PRIMA1: variants seen among roughly 807,000 people sequenced by gnomAD.
The protein encoded by PRIMA1 is proline rich membrane anchor 1.
PRIMA1 carries 7 observed loss-of-function variants against 17.5 expected under a neutral mutation model. The observed-to-expected ratio is 0.40, with a 90% CI of 0.23 to 0.75. PRIMA1 has a LOEUF of 0.75. Among genes scored for constraint, PRIMA1 ranks in the 30% least tolerant of loss-of-function variants. The pLI is 0.37. For synonymous variants in PRIMA1, 97 were observed against 77.9 expected, an observed-to-expected ratio of 1.25 and a Z score of -1.29; for missense variants, 200 against 201.8, an observed-to-expected ratio of 0.99 and a Z score of 0.05.
At chr14:93,727,883 A>C (rs1210283353) in intron 4 of PRIMA1, among the ~76,000 whole-genome samples, 1 of 152,222 alleles carries the variant, frequency 6.6e-6, no homozygotes, top group Non-Finnish European at 1.5e-5. Flanking sequence ...CTGGGTTTCC[A>C]GGAGAGACCT....
At chr14:93,730,482 T>G (rs1566963892) in intron 4 of PRIMA1, among the ~76,000 whole-genome samples, 2 of 151,946 alleles carry the variant, frequency 1.3e-5, no homozygotes, top group Non-Finnish European at 2.9e-5. Context: ...CCTCTGGGAG[T>G]GCTCGATGAG....
chr14:93,779,336 A>G (rs367682849), intron 2 of PRIMA1, 25 bp from the exon 3 acceptor site: 32 of 1,516,734 alleles, frequency 2.1e-5, no homozygotes, highest in Non-Finnish European at 2.6e-5. Flanking sequence ...ACACGTACCC[A>G]AGAGAGAGAG....
intron 4 of PRIMA1, among the ~76,000 whole-genome samples, chr14:93,734,464 A>G (rs993706262): frequency 6.6e-6 from 1 of 152,108 alleles, no homozygotes; most frequent in African/African-American, 2.4e-5. Flanking sequence ...CCTTCTCCTA[A>G]GTGCGAGTCT....
chr14:93,741,279 T>C (rs924712665), intron 3 of PRIMA1, among the ~76,000 whole-genome samples: 2 of 152,130 alleles, frequency 1.3e-5, no homozygotes, highest in Non-Finnish European at 2.9e-5. Flanking sequence ...GAGAATACAA[T>C]ATGGAGTCCC....
chr14:93,746,630 C>T (rs865888559), intron 3 of PRIMA1, among the ~76,000 whole-genome samples: 6 of 152,184 alleles, frequency 3.9e-5, no homozygotes, highest in East Asian at 3.9e-4. Context: ...TTCTGACCTA[C>T]AGGTCAGCAC....
rs1488160757 is a variant in PRIMA1, at chr14:93,719,705, G to A, written c.*1739C>T. On this transcript the variant is annotated 3_prime_UTR_variant, in exon 5 of 5. Transcript: ENST00000393140. Reference sequence around the variant, plus strand: ...TGTCAGCTGGCTCCGCACCTCAAGAGCACTGTGAAGTACTGGCCAGGTCAG... The same window carrying A: ...TGTCAGCTGGCTCCGCACCTCAAGAACACTGTGAAGTACTGGCCAGGTCAG... The A allele has an allele frequency of 6.6e-6, 1 of 152,458 alleles. No individual in the cohort carries two copies. The highest frequency in any genetic ancestry group is 1.5e-5 in the Non-Finnish European group (1 of 68,250). The allele number at this position is 152,458 out of a possible 1,614,324, so 9.4% of individuals were successfully genotyped here.
intron 3 of PRIMA1, among the ~76,000 whole-genome samples, chr14:93,764,903 T>C (rs527657096): frequency 6.6e-6 from 1 of 152,250 alleles, no homozygotes; most frequent in East Asian, 1.9e-4. Flanking sequence ...AGCTCTTAAT[T>C]GTGCCTGGTG....
intron 3 of PRIMA1, among the ~76,000 whole-genome samples, chr14:93,772,938 T>C (rs904552751): frequency 1.3e-5 from 2 of 152,218 alleles, no homozygotes; most frequent in Non-Finnish European, 2.9e-5. Flanking sequence ...CTGCCATTTA[T>C]TGCGTGTTAA....
intron 4 of PRIMA1, among the ~76,000 whole-genome samples, chr14:93,729,605 C>A (rs2076100660): frequency 6.6e-6 from 1 of 152,246 alleles, no homozygotes; most frequent in African/African-American, 2.4e-5. Flanking sequence ...CCTGGCCAAC[C>A]TTTTCTTCCC....
intron 3 of PRIMA1, among the ~76,000 whole-genome samples, chr14:93,757,728 GA>G (rs1264383082): frequency 2.6e-5 from 4 of 152,048 alleles, no homozygotes; most frequent in Non-Finnish European, 5.9e-5. Context: ...TGGAAATGGG[GA>G]AAAAAAGGAA....
At chr14:93,741,600 G>A (rs998831976) in intron 3 of PRIMA1, among the ~76,000 whole-genome samples, 13 of 152,176 alleles carry the variant, frequency 8.5e-5, no homozygotes, top group Non-Finnish European at 1.6e-4. Context: ...GGTGCTAGCC[G>A]CCCCATGAAT....
chr14:93,757,951 G>A (rs143824612), intron 3 of PRIMA1, among the ~76,000 whole-genome samples: 19 of 152,290 alleles, frequency 1.2e-4, no homozygotes, highest in African/African-American at 4.3e-4. Context: ...GCGGGGAGCC[G>A]ATGATGCTTT....
chr14:93,729,682 G>A (rs916728320), intron 4 of PRIMA1, among the ~76,000 whole-genome samples: 1 of 152,220 alleles, frequency 6.6e-6, no homozygotes, highest in Non-Finnish European at 1.5e-5. Context: ...GAGGGAGAGA[G>A]GGCTGGGTTG....
chr14:93,774,099 A>C (rs1480333925), intron 3 of PRIMA1, among the ~76,000 whole-genome samples: 2 of 152,230 alleles, frequency 1.3e-5, no homozygotes, highest in Admixed American at 6.5e-5. Flanking sequence ...CTCAAAAAAA[A>C]AGAAAAAAAA....
chr14:93,787,389 C>A (rs916885789), intron 2 of PRIMA1, among the ~76,000 whole-genome samples: 2 of 152,240 alleles, frequency 1.3e-5, no homozygotes, highest in African/African-American at 4.8e-5. Context: ...GAGCCCCTTT[C>A]CATTCCAAGG....
chr14:93,773,871 A>C (rs1019658785), intron 3 of PRIMA1, among the ~76,000 whole-genome samples: 1 of 152,214 alleles, frequency 6.6e-6, no homozygotes, highest in African/African-American at 2.4e-5. Context: ...AGGTGGGCAG[A>C]TCACCTGAGG....
intron 3 of PRIMA1, among the ~76,000 whole-genome samples, chr14:93,764,539 T>G (rs1331011893): frequency 6.6e-6 from 1 of 152,162 alleles, no homozygotes; most frequent in Non-Finnish European, 1.5e-5. Flanking sequence ...TCTTCTCCAC[T>G]GCGTCATCCT....
intron 3 of PRIMA1, among the ~76,000 whole-genome samples, chr14:93,755,955 G>A (rs1356137848): frequency 2.0e-5 from 3 of 152,110 alleles, no homozygotes; most frequent in Non-Finnish European, 2.9e-5. Flanking sequence ...TTCCCCACCC[G>A]AAGCTCTTCT....
intron 3 of PRIMA1, among the ~76,000 whole-genome samples, chr14:93,756,839 A>G (rs925660103): frequency 3.9e-5 from 6 of 152,014 alleles, no homozygotes; most frequent in Non-Finnish European, 7.4e-5. Flanking sequence ...GCCTTCCCTT[A>G]GCCCTCCCTC....
Sources: gnomAD v4.1 joint callset for allele counts (sites outside exome capture counted in the v4.1 genomes callset) on GRCh38, gnomAD v4.1.1 for gene constraint, MANE v1.5 for transcripts, NCBI Gene and HGNC (gene_info 2026-07-23, HGNC 2026-07-21) for gene names.